ESRRA: variants seen among roughly 807,000 people sequenced by gnomAD.
ESRRA encodes the protein estrogen related receptor alpha.
A neutral mutation model predicts 35.6 loss-of-function variants in ESRRA; 7 were observed. The ratio of observed to expected loss-of-function variants is 0.20; its 90% CI spans 0.11 to 0.37. ESRRA has a LOEUF of 0.37. Among genes scored for constraint, ESRRA ranks in the 10% least tolerant of loss-of-function variants. ESRRA has a pLI of 1.00. For missense variants in ESRRA, 378 were observed against 561.7 expected, an observed-to-expected ratio of 0.67 and a Z score of 3.31; for synonymous variants, 223 against 246.9, an observed-to-expected ratio of 0.90 and a Z score of 0.91.
chr11:64,307,963 G>A (rs1229437919), intron 2 of ESRRA, among the ~76,000 whole-genome samples: 1 of 151,706 alleles, frequency 6.6e-6, no homozygotes, highest in African/African-American at 2.4e-5. Flanking sequence ...CACAATCTCT[G>A]CTCACTGCAA....
chr11:64,315,967 G>C lies in ESRRA; in HGVS notation c.*1G>C. On this transcript the variant is annotated 3_prime_UTR_variant, in exon 7 of 7. Transcript: ENST00000000442. ...GATGCTCGAGGCCATGATGGACTGAGGCAAGGGGTGGGACTGGTGGGGGTT... is the reference window on the plus strand; with the variant it reads ...GATGCTCGAGGCCATGATGGACTGACGCAAGGGGTGGGACTGGTGGGGGTT... 1 of 1,561,546 alleles carries C rather than the reference G, an allele frequency of 6.4e-7. No homozygotes were observed. Among genetic ancestry groups the C allele is most frequent in the Non-Finnish European group, 8.7e-7 (1 of 1,149,418 alleles).
At chr11:64,310,442 G>C (rs2035117970) in intron 2 of ESRRA, among the ~76,000 whole-genome samples, 1 of 150,862 alleles carries the variant, frequency 6.6e-6, no homozygotes, top group Non-Finnish European at 1.5e-5. Context: ...CAGCGTGTTA[G>C]CCAAGATGGT....
rs781240499 is a variant in ESRRA, at chr11:64,315,227, A to G, written c.969A>G (p.Arg323=). The stretch of plus-strand genomic sequence containing the variant: ...GGCTGCAGGCCCTGCGGCTGGAGCG[A>G]GAGGAGTATGTTCTACTAAAGGCCT... ...VRRLQALRLE[R]EEYVLLKALA... Residue 323 remains arginine (R), a synonymous_variant, in exon 6 of 7, where the codon CGA becomes CGG. Transcript: ENST00000000442. 269 of 1,603,742 alleles carry G rather than the reference A, an allele frequency of 1.7e-4. 1 individual carries two copies. In the South Asian group the frequency reaches 2.4e-3, roughly 15 times the overall value.
chr11:64,308,073 G>A (rs1485160296), intron 2 of ESRRA, among the ~76,000 whole-genome samples: 2 of 152,024 alleles, frequency 1.3e-5, no homozygotes, highest in Middle Eastern at 3.2e-3. Flanking sequence ...TGTATTTTTA[G>A]TAGAGACGAC....
rs1307928596 is a variant in ESRRA, at chr11:64,305,845, C to T, written c.-13+109C>T. 1 of 151,910 alleles carries T rather than the reference C, an allele frequency of 6.6e-6. No homozygotes were observed. The highest frequency in any genetic ancestry group is 1.9e-4 in the South Asian group (1 of 5,274). The allele number at this position is 151,910 out of a possible 1,614,324, so 9.4% of individuals were successfully genotyped here. A position where few individuals can be genotyped will look rare whatever the true frequency, so the allele number is the denominator to read the frequency against. On this transcript the variant is annotated intron_variant, in intron 1 of 6. Transcript: ENST00000000442. This position sits in a 1 kb window ranked among gnomAD's most constrained non-coding sequence, Gnocchi z 5.8. ...GGGGCGGGCTGCAGGCGGGGTCCGA[C>T]TCTGGGGCCAGTCCGGGCCACGGTT...
chr11:64,311,779 G>A lies in ESRRA; in HGVS notation c.326-2172G>A, dbSNP rs150537856. Among the ~76,000 whole-genome samples, 126 of 151,008 alleles carry A rather than the reference G, an allele frequency of 8.3e-4. 1 individual carries two copies. The highest frequency in any genetic ancestry group is 1.6e-3 in the Non-Finnish European group (111 of 67,846). On this transcript the variant is annotated intron_variant, in intron 2 of 6. Coordinates refer to ENST00000000442, the MANE Select transcript of ESRRA (RefSeq NM_004451.5). ...ACGATCTCAGCTTACTGCAACCTCC[G>A]CCTCCCAGGTTCAAGCGATTGTTCT...
Position 64,315,835 on chromosome 11 carries a change from C to G in ESRRA, c.1141C>G (p.Leu381Val). The G allele has an allele frequency of 6.2e-7, 1 of 1,611,426 alleles. No individual in the cohort carries two copies. Among genetic ancestry groups the G allele is most frequent in the Non-Finnish European group, 8.5e-7 (1 of 1,178,896 alleles). Residue 381 changes from leucine (L) to valine (V), a missense_variant, in exon 7 of 7, where the codon CTG (leucine) becomes GTG (valine). Transcript: ENST00000000442. Reference protein sequence around the residue: ...GGAERRRAGRLLLTLPLLRQT... With the variant: ...GGAERRRAGRVLLTLPLLRQT... ...TGCTGAGCGGCGGCGGGCGGGCAGG[C>G]TGCTGCTCACGCTACCGCTCCTCCG...
At chr11:64,315,664 C>T (rs767580774) in intron 6 of ESRRA, 43 bp from the exon 7 acceptor site, 4 of 1,605,580 alleles carry the variant, frequency 2.5e-6, no homozygotes, top group African/African-American at 1.3e-5. Context: ...GTGCCCTTGC[C>T]AGAGATAGCC....
intron 1 of ESRRA, among the ~76,000 whole-genome samples, 170 bp from the exon 2 acceptor site, chr11:64,306,998 A>C (rs1424155766): frequency 6.6e-6 from 1 of 152,082 alleles, no homozygotes; most frequent in Non-Finnish European, 1.5e-5. Flanking sequence ...AACAGCTAGG[A>C]GGGGGCAGTG....
In ESRRA at chr11:64,313,856, C is replaced by A; in HGVS notation, c.326-95C>A. 1.2e-6 allele frequency: 1 copy of A among 806,152 alleles called. No individual in the cohort carries two copies. 49.9% of individuals were successfully genotyped at this position (806,152 alleles called of 1,614,324 possible). On this transcript the variant is annotated intron_variant, in intron 2 of 6. Transcript: ENST00000000442. This position sits in a 1 kb window ranked among gnomAD's most constrained non-coding sequence, Gnocchi z 4.0. ...CCCTTTCCTCCCCATACCCCCAGAC[C>A]TGTGCTTGCCCGGGGAGAGTCAGGG...
intron 2 of ESRRA, among the ~76,000 whole-genome samples, chr11:64,308,090 C>T (rs1261667091): frequency 1.3e-5 from 2 of 152,132 alleles, no homozygotes; most frequent in African/African-American, 4.8e-5. Context: ...CGACGTTTCA[C>T]CATGTCGGCC....
rs1298393458 is a variant in ESRRA at position 64,313,406 on chromosome 11, G to A, written c.326-545G>A. On this transcript the variant is annotated intron_variant, in intron 2 of 6. Coordinates refer to ENST00000000442, the MANE Select transcript of ESRRA (RefSeq NM_004451.5). This position sits in a 1 kb window ranked among gnomAD's most constrained non-coding sequence, Gnocchi z 4.0. Reference sequence around the variant, plus strand: ...GTAGAAACGTGAGAGCCCCACGGCTGGGGAAGATTGCCATGGGATTGGAGA... The same window carrying A: ...GTAGAAACGTGAGAGCCCCACGGCTAGGGAAGATTGCCATGGGATTGGAGA... Among the ~76,000 whole-genome samples the A allele has an allele frequency of 6.6e-6, 1 of 152,170 alleles. No homozygotes were observed. Among genetic ancestry groups the A allele is most frequent in the Non-Finnish European group, 1.5e-5 (1 of 68,026 alleles).
In ESRRA at chr11:64,309,290, G is replaced by A. The variant is rs182295264; in HGVS notation, c.325+1786G>A. On this transcript the variant is annotated intron_variant, in intron 2 of 6. Transcript: ENST00000000442. ...TCTACTAAAAATACAAAAATTAGCC[G>A]GGCGTGGTGGTGAGTGCCTGTAATC... is the stretch of plus-strand genomic sequence containing the variant. Among the ~76,000 whole-genome samples the A allele has an allele frequency of 3.2e-3, 485 of 150,874 alleles. 2 individuals are homozygous for A. Among genetic ancestry groups the A allele is most frequent in the African/African-American group, 0.011 (456 of 41,118 alleles).
At chr11:64,310,107 C>T (rs2035110586) in intron 2 of ESRRA, among the ~76,000 whole-genome samples, 1 of 152,134 alleles carries the variant, frequency 6.6e-6, no homozygotes, top group Non-Finnish European at 1.5e-5. Flanking sequence ...AATGGCAGAA[C>T]CAAGATTTGA....
At chr11:64,308,522 CA>C (rs71045760) in intron 2 of ESRRA, among the ~76,000 whole-genome samples, 74 of 87,118 alleles carry the variant, frequency 8.5e-4, no homozygotes, top group Admixed American at 8.5e-4. Flanking sequence ...GATTCCATCT[CA>C]AAAAAAAAAA....
chr11:64,311,926 G>T lies in ESRRA; in HGVS notation c.326-2025G>T, dbSNP rs193056129. Among the ~76,000 whole-genome samples the T allele has an allele frequency of 7.3e-3, 1,052 of 144,608 alleles. 24 individuals are homozygous for T. The highest frequency in any genetic ancestry group is 7.5e-3 in the Non-Finnish European group (498 of 66,758). The allele number at this position is 144,608 out of a possible 152,430, so 94.9% of individuals were successfully genotyped here. On this transcript the variant is annotated intron_variant, in intron 2 of 6. Coordinates refer to ENST00000000442, the MANE Select transcript of ESRRA (RefSeq NM_004451.5). ...TCTCAAACTCCTCACCTCGTGATCT[G>T]CCTGCCTCGGCCTCCCAAAGTGCTG...
rs1265755324 is a variant in ESRRA, at chr11:64,308,815, C to CA, written c.325+1328dup. On this transcript the variant is annotated intron_variant, in intron 2 of 6. Transcript: ENST00000000442. ...TGGGCGACAGAGTGAGACTCCGTCT[C>CA]AAAAAAAAAAAAAAAAAGGCTGGGC... Among the ~76,000 whole-genome samples, 431 of 58,510 alleles carry CA rather than the reference C, an allele frequency of 7.4e-3. 1 individual carries two copies. The highest frequency in any genetic ancestry group is 0.011 in the African/African-American group (166 of 15,238). The allele number at this position is 58,510 out of a possible 152,430, so 38.4% of individuals were successfully genotyped here.
chr11:64,312,167 T>A (rs1408725405), intron 2 of ESRRA, among the ~76,000 whole-genome samples: 2 of 143,096 alleles, frequency 1.4e-5, no homozygotes, highest in Non-Finnish European at 3.0e-5. Flanking sequence ...CGAGATGGAG[T>A]CTCACTGTGT....
At chr11:64,309,511 A>C (rs2035099617) in intron 2 of ESRRA, among the ~76,000 whole-genome samples, 1 of 151,390 alleles carries the variant, frequency 6.6e-6, no homozygotes, top group South Asian at 2.1e-4. Context: ...AGGAAAGCTT[A>C]TCAGAATTTG....
Sources: allele counts gnomAD v4.1 joint callset (sites outside exome capture counted in the v4.1 genomes callset), GRCh38; gene constraint gnomAD v4.1.1; non-coding constraint Gnocchi (gnomAD v3.1); transcripts MANE v1.5; gene names NCBI Gene and HGNC (gene_info 2026-07-23, HGNC 2026-07-21).